The following BARD1 variants were observed in gnomAD, a reference collection of about 807,000 sequenced individuals.
BARD1 encodes BRCA1 associated RING domain 1.
Under a neutral mutation model 77.0 loss-of-function variants are expected in BARD1, and 73 were observed. That is an observed-to-expected ratio of 0.95 (90% CI 0.79 to 1.15). The LOEUF (loss-of-function observed/expected upper bound fraction) is 1.15. Ranked by LOEUF, BARD1 falls within the 50% of genes most tolerant of loss-of-function variation. The pLI is 0.00. For synonymous variants in BARD1, 384 were observed against 338.0 expected, an observed-to-expected ratio of 1.14 and a Z score of -1.49; for missense variants, 993 against 938.8, an observed-to-expected ratio of 1.06 and a Z score of -0.75.
chr2:214,752,598 T>A (rs746064327), intron 6 of BARD1, 43 bp from the exon 7 acceptor site: 3 of 1,428,332 alleles, frequency 2.1e-6, no homozygotes, highest in East Asian at 4.6e-5. Context: ...GTCAAATGTG[T>A]GACTCGACTC....
chr2:214,791,535 T>C (rs1169993218), intron 3 of BARD1, among the ~76,000 whole-genome samples: 1 of 152,184 alleles, frequency 6.6e-6, no homozygotes, highest in Non-Finnish European at 1.5e-5. Flanking sequence ...AACATTTTAC[T>C]TTCTTTCCAC....
chr2:214,729,389 A>C (rs546872335), intron 10 of BARD1, among the ~76,000 whole-genome samples: 102 of 152,328 alleles, frequency 6.7e-4, no homozygotes, highest in Non-Finnish European at 1.2e-3. Flanking sequence ...AAGCTCAAAA[A>C]GTTTTGGATT....
intron 6 of BARD1, among the ~76,000 whole-genome samples, chr2:214,756,979 TAAA>T (rs1021122663): frequency 6.6e-6 from 1 of 151,900 alleles, no homozygotes; most frequent in Non-Finnish European, 1.5e-5. Flanking sequence ...CCTATGGAAA[TAAA>T]AAAATTATAA....
chr2:214,781,567 G>A (rs1352924932), intron 3 of BARD1, 58 bp from the exon 4 acceptor site: 3 of 1,430,782 alleles, frequency 2.1e-6, no homozygotes, highest in East Asian at 4.6e-5. Flanking sequence ...CCCACATGGA[G>A]CTCCCGAAGA....
intron 7 of BARD1, among the ~76,000 whole-genome samples, chr2:214,749,949 A>G (rs1693327758): frequency 2.6e-5 from 4 of 152,160 alleles, no homozygotes; most frequent in African/African-American, 9.7e-5. Context: ...TGAAGTCTAA[A>G]GCAGAAGACA....
intron 2 of BARD1, 111 bp downstream of exon 2, chr2:214,796,950 G>T: frequency 1.1e-6 from 1 of 888,598 alleles, no homozygotes; most frequent in Non-Finnish European, 1.9e-6. Context: ...TTACTTTGCA[G>T]ACTTTGAAAG....
At chr2:214,778,002 C>A (rs932762172) in intron 4 of BARD1, among the ~76,000 whole-genome samples, 8 of 152,098 alleles carry the variant, frequency 5.3e-5, no homozygotes, top group Admixed American at 2.0e-4. Context: ...TCGAGACCAG[C>A]CTGGCCAACA....
rs532312619 is a variant in BARD1, at chr2:214,745,279, T to C, written c.1811-120A>G. 2.3e-5 allele frequency: 19 copies of C among 828,572 alleles called. No individual in the cohort carries two copies. In the South Asian group the frequency reaches 2.3e-4, roughly 10 times the overall value. 51.3% of individuals were successfully genotyped at this position (828,572 alleles called of 1,614,324 possible). A position where few individuals can be genotyped will look rare whatever the true frequency, so the allele number is the denominator to read the frequency against. ...ATATCTGAATCTTCAAAGGCAACAA[T>C]TTTTACACTTAAGTGTAAGACTACT... On this transcript the variant is annotated intron_variant, in intron 8 of 10. Transcript: ENST00000260947.
rs138913776 is a variant in BARD1 at position 214,751,037 on chromosome 2, T to C, written c.1677+1410A>G. On this transcript the variant is annotated intron_variant, in intron 7 of 10. Coordinates refer to ENST00000260947, the MANE Select transcript of BARD1 (RefSeq NM_000465.4). The stretch of plus-strand genomic sequence containing the variant: ...CATTCTATTAGACACTCTGCTAAAA[T>C]GTTTACCCTGAAAGACTTAGGACAC... Among the ~76,000 whole-genome samples the C allele has an allele frequency of 3.2e-3, 474 of 148,466 alleles. 5 individuals are homozygous for C. The highest frequency in any genetic ancestry group is 0.011 in the African/African-American group (456 of 40,410).
chr2:214,768,864 T>C (rs114647966), intron 5 of BARD1, among the ~76,000 whole-genome samples: 30 of 152,340 alleles, frequency 2.0e-4, no homozygotes, highest in Admixed American at 9.8e-4. Context: ...TTGTGATCAC[T>C]TTCCTATACT....
intron 9 of BARD1, among the ~76,000 whole-genome samples, chr2:214,735,159 C>A (rs1367829003): frequency 6.6e-6 from 1 of 152,136 alleles, no homozygotes; most frequent in Non-Finnish European, 1.5e-5. Flanking sequence ...TTATCCTACA[C>A]AGTATTTAAT....
chr2:214,756,971 T>A (rs11680685), intron 6 of BARD1, among the ~76,000 whole-genome samples: 66,488 of 151,770 alleles, frequency 0.44, 14,635 homozygotes, highest in South Asian at 0.5. Context: ...CCCAAAAACC[T>A]ATGGAAATAA....
Position 214,745,047 on chromosome 2 carries a change from C to A in BARD1, c.1903+20G>T. ...AACTAGTCTAATTCATTTCTTAATT[C>A]TCTCAAATCCAACACTTACATTCAA... On this transcript the variant is annotated intron_variant, in intron 9 of 10. Coordinates refer to ENST00000260947, the MANE Select transcript of BARD1 (RefSeq NM_000465.4). 6.3e-7 allele frequency: 1 copy of A among 1,597,278 alleles called. No homozygotes were observed.
At chr2:214,798,459 T>G (rs1559443303) in intron 1 of BARD1, among the ~76,000 whole-genome samples, 1 of 152,168 alleles carries the variant, frequency 6.6e-6, no homozygotes, top group African/African-American at 2.4e-5. Flanking sequence ...CCCCATCAAG[T>G]GTACTGAATT....
intron 9 of BARD1, among the ~76,000 whole-genome samples, chr2:214,731,333 A>C (rs1040355118): frequency 3.3e-5 from 5 of 152,180 alleles, no homozygotes; most frequent in Non-Finnish European, 7.3e-5. Flanking sequence ...TAGAAATGAA[A>C]GGAACCCTTG....
rs1336824977 is a variant in BARD1 at position 214,781,272 on chromosome 2, CT to C, written c.601del (p.Arg201AspfsTer11). The C allele has an allele frequency of 6.3e-7, 1 of 1,597,092 alleles. No homozygotes were observed. On this transcript the variant is annotated frameshift_variant, in exon 4 of 11. Coordinates refer to ENST00000260947, the MANE Select transcript of BARD1 (RefSeq NM_000465.4). LOFTEE classifies it high-confidence loss of function. ...VSERAKKASARSGKKQKKKTL... is the reference protein window; with the variant it reads ...VSERAKKASAXSGKKQKKKTL... ...TTTCTTTTTTTGCTTTTTTCCAGAT[CT>C]TGCAGAAGCCTTTTTAGCCCTCTCA...
chr2:214,783,488 C>A (rs1695133860), intron 3 of BARD1, among the ~76,000 whole-genome samples: 1 of 152,102 alleles, frequency 6.6e-6, no homozygotes, highest in Admixed American at 6.6e-5. Flanking sequence ...CACATCTTCT[C>A]ACTTATAAGT....
intron 4 of BARD1, among the ~76,000 whole-genome samples, chr2:214,771,847 T>C (rs1228807705): frequency 6.7e-6 from 1 of 148,530 alleles, no homozygotes; most frequent in African/African-American, 2.5e-5. Context: ...TTTATATTCC[T>C]AAATTAACAA....
intron 9 of BARD1, among the ~76,000 whole-genome samples, chr2:214,736,740 G>A (rs1001507581): frequency 5.3e-5 from 8 of 152,096 alleles, no homozygotes; most frequent in African/African-American, 1.9e-4. Context: ...GATACCAACA[G>A]AGCAGCATGG....
Sources: gnomAD v4.1 joint callset for allele counts (sites outside exome capture counted in the v4.1 genomes callset) on GRCh38, gnomAD v4.1.1 for gene constraint, MANE v1.5 for transcripts, NCBI Gene and HGNC (gene_info 2026-07-23, HGNC 2026-07-21) for gene names.